The following EEPD1 variants were observed in gnomAD, a reference collection of about 807,000 sequenced individuals.
EEPD1 encodes endonuclease/exonuclease/phosphatase family domain containing 1, also known as endonuclease/exonuclease/phosphatase family domain-containing protein 1.
A neutral mutation model predicts 46.3 loss-of-function variants in EEPD1; 17 were observed. The ratio of observed to expected loss-of-function variants is 0.37; its 90% confidence interval spans 0.25 to 0.55. The LOEUF (loss-of-function observed/expected upper bound fraction) is 0.55, where lower values mean the gene tolerates loss of function less well. Ranked by LOEUF, EEPD1 falls within the 20% of genes least tolerant of loss-of-function variation. EEPD1 has a pLI of 0.83. For synonymous variants in EEPD1, 313 were observed against 315.6 expected, an observed-to-expected ratio of 0.99 and a Z score of 0.09; for missense variants, 673 against 745.6, an observed-to-expected ratio of 0.90 and a Z score of 1.13.
intron 2 of EEPD1, among the ~76,000 whole-genome samples, chr7:36,167,855 CAG>C (rs1785012130): frequency 6.6e-6 from 1 of 152,104 alleles, no homozygotes; most frequent in Non-Finnish European, 1.5e-5. Flanking sequence ...AGCTGGGATA[CAG>C]GCACGCGCCA....
chr7:36,199,326 A>C (rs1277816260), intron 2 of EEPD1, among the ~76,000 whole-genome samples: 1 of 151,958 alleles, frequency 6.6e-6, no homozygotes, highest in Non-Finnish European at 1.5e-5. Context: ...TTGGGAAGAG[A>C]GATTTTAAAT....
chr7:36,236,312 G>C (rs534001800), intron 2 of EEPD1, among the ~76,000 whole-genome samples: 3 of 152,322 alleles, frequency 2.0e-5, no homozygotes, highest in African/African-American at 7.2e-5. Context: ...GGGCGGAAGC[G>C]GCGCTGGCGG....
chr7:36,232,903 C>A (rs1786360972), intron 2 of EEPD1, among the ~76,000 whole-genome samples: 1 of 152,010 alleles, frequency 6.6e-6, no homozygotes, highest in African/African-American at 2.4e-5. Flanking sequence ...AAATCTTGTT[C>A]TGCTGTGGCT....
At chr7:36,155,412 T>A (rs1167225146) in intron 2 of EEPD1, among the ~76,000 whole-genome samples, 1 of 152,204 alleles carries the variant, frequency 6.6e-6, no homozygotes, top group Admixed American at 6.5e-5. Flanking sequence ...TTGTGACCCA[T>A]GTCTTGAGTG....
intron 3 of EEPD1, among the ~76,000 whole-genome samples, chr7:36,264,872 A>G (rs1428845038): frequency 6.6e-6 from 1 of 151,712 alleles, no homozygotes; most frequent in Non-Finnish European, 1.5e-5. Flanking sequence ...TGAGAATGCT[A>G]TTTCATGAGC....
At chr7:36,219,391 T>A (rs1056438128) in intron 2 of EEPD1, among the ~76,000 whole-genome samples, 1 of 151,742 alleles carries the variant, frequency 6.6e-6, no homozygotes, top group African/African-American at 2.4e-5. Flanking sequence ...GGTGGGGACC[T>A]GGCTGGGTGT....
intron 2 of EEPD1, among the ~76,000 whole-genome samples, chr7:36,166,592 G>A (rs766623986): frequency 9.2e-5 from 14 of 152,058 alleles, no homozygotes; most frequent in Non-Finnish European, 1.5e-4. Flanking sequence ...AGGCTTTCTT[G>A]TCATTGGTCA....
intron 2 of EEPD1, among the ~76,000 whole-genome samples, chr7:36,162,820 A>G (rs1784921482): frequency 6.6e-6 from 1 of 152,210 alleles, no homozygotes; most frequent in Admixed American, 6.5e-5. Flanking sequence ...TGTTTTACCT[A>G]GAGGCTGCTG....
At chr7:36,177,450 CTT>C (rs1208815313) in intron 2 of EEPD1, among the ~76,000 whole-genome samples, 1 of 152,098 alleles carries the variant, frequency 6.6e-6, no homozygotes, top group African/African-American at 2.4e-5. Flanking sequence ...CCCAGTGTCT[CTT>C]GTTCTCATCT....
chr7:36,180,404 T>A (rs1785253428), intron 2 of EEPD1, among the ~76,000 whole-genome samples: 1 of 152,112 alleles, frequency 6.6e-6, no homozygotes, highest in Non-Finnish European at 1.5e-5. Flanking sequence ...CATTCTCCAT[T>A]CTGGGGGTAG....
At chr7:36,266,323 A>C (rs570637767) in intron 3 of EEPD1, among the ~76,000 whole-genome samples, 1 of 152,190 alleles carries the variant, frequency 6.6e-6, no homozygotes, top group African/African-American at 2.4e-5. Flanking sequence ...TGGGCTGTGC[A>C]TTCCTCTCCT....
At chr7:36,227,590 G>A (rs767827849) in intron 2 of EEPD1, among the ~76,000 whole-genome samples, 2 of 152,188 alleles carry the variant, frequency 1.3e-5, no homozygotes, top group Non-Finnish European at 2.9e-5. Flanking sequence ...TAACACCCAT[G>A]ATGTCTTCTA....
chr7:36,273,094 G>C (rs1017997522), intron 3 of EEPD1, among the ~76,000 whole-genome samples: 1 of 150,502 alleles, frequency 6.6e-6, no homozygotes, highest in Admixed American at 6.6e-5. Context: ...GCAGCTCCAG[G>C]GAACTCACAA....
chr7:36,162,996 G>C (rs971722424), intron 2 of EEPD1, among the ~76,000 whole-genome samples: 1 of 152,188 alleles, frequency 6.6e-6, no homozygotes, highest in African/African-American at 2.4e-5. Context: ...CTAAAAGTGG[G>C]AGGTCTCAGG....
chr7:36,260,206 C>A (rs1052693957), intron 3 of EEPD1, among the ~76,000 whole-genome samples: 1 of 152,144 alleles, frequency 6.6e-6, no homozygotes. Flanking sequence ...TGCTTTTAGC[C>A]TAAAAATCTG....
intron 2 of EEPD1, among the ~76,000 whole-genome samples, chr7:36,186,144 A>G (rs1271281115): frequency 6.6e-6 from 1 of 152,182 alleles, no homozygotes; most frequent in Admixed American, 6.5e-5. Context: ...CCAGAAGCCA[A>G]ATGGGCAGAC....
chr7:36,297,515 CCCA>C lies in EEPD1; in HGVS notation c.1510+330_1510+332del, dbSNP rs1787547251. Among the ~76,000 whole-genome samples, 3 of 151,980 alleles carry C rather than the reference CCCA, an allele frequency of 2.0e-5. No homozygotes were observed. In the South Asian group the frequency reaches 6.2e-4, roughly 32 times the overall value. On this transcript the variant is annotated intron_variant, in intron 7 of 7. Transcript: ENST00000242108. ...GAGTGTGACAAATAATTTTAGAACA[CCCA>C]CTGACCTACAGCAAGCAGATGTGTT...
At chr7:36,189,107 G>T (rs1265539169) in intron 2 of EEPD1, among the ~76,000 whole-genome samples, 1 of 152,170 alleles carries the variant, frequency 6.6e-6, no homozygotes, top group Non-Finnish European at 1.5e-5. Flanking sequence ...GGCTCCCACA[G>T]TTGGTGTCTG....
intron 3 of EEPD1, among the ~76,000 whole-genome samples, chr7:36,279,525 C>T (rs569765721): frequency 2.4e-4 from 37 of 152,298 alleles, no homozygotes; most frequent in African/African-American, 8.4e-4. Context: ...GACCTTTAGA[C>T]CCTGGCCTCT....
Sources: gnomAD v4.1 joint callset for allele counts (sites outside exome capture counted in the v4.1 genomes callset) on GRCh38, gnomAD v4.1.1 for gene constraint, MANE v1.5 for transcripts, NCBI Gene and HGNC (gene_info 2026-07-23, HGNC 2026-07-21) for gene names.